Variants in NRXN1 observed in about 807,000 individuals in gnomAD.
The protein encoded by NRXN1 is neurexin-1.
A neutral mutation model predicts 150.9 loss-of-function variants in NRXN1; 39 were observed. That is an observed-to-expected ratio of 0.26 (90% CI 0.20 to 0.34). The LOEUF is 0.34. Ranked by LOEUF, NRXN1 falls within the 10% of genes least tolerant of loss-of-function variation. The pLI, the probability that NRXN1 is intolerant of heterozygous loss-of-function variation, is 1.00. For synonymous variants in NRXN1, 924 were observed against 757.0 expected (o/e 1.22, Z -3.62); for missense variants, 1,815 against 1,949.9 (o/e 0.93, Z 1.30).
chr2:50,417,452 G>A (rs2083625165), intron 17 of NRXN1, among the ~76,000 whole-genome samples: 1 of 151,998 alleles, frequency 6.6e-6, no homozygotes, highest in South Asian at 2.1e-4. Context: ...TTTCTCTGAA[G>A]AGAAGGAAGC....
At chr2:50,000,078 G>GTGGATT (rs775683019) in intron 21 of NRXN1, among the ~76,000 whole-genome samples, 63 of 152,246 alleles carry the variant, frequency 4.1e-4, no homozygotes, top group Non-Finnish European at 6.6e-4. Flanking sequence ...CAGCTTTCCT[G>GTGGATT]CACCTGGGCT....
chr2:50,600,228 G>C (rs918531016), intron 8 of NRXN1, among the ~76,000 whole-genome samples: 5 of 151,488 alleles, frequency 3.3e-5, no homozygotes, highest in African/African-American at 1.2e-4. Flanking sequence ...ATCCTTCCAG[G>C]GATAGATATA....
At chr2:50,607,889 C>A (rs550029579) in intron 8 of NRXN1, among the ~76,000 whole-genome samples, 1 of 152,236 alleles carries the variant, frequency 6.6e-6, no homozygotes, top group Non-Finnish European at 1.5e-5. Context: ...CATTCCAAGA[C>A]TGCAGCTGCT....
chr2:50,904,735 C>G (rs1288736817), intron 5 of NRXN1, among the ~76,000 whole-genome samples: 2 of 152,018 alleles, frequency 1.3e-5, no homozygotes, highest in Non-Finnish European at 2.9e-5. Context: ...TTGAAATAAA[C>G]TTTCTTAATT....
In NRXN1 at chr2:50,497,355, T is replaced by G; in HGVS notation, c.2857A>C (p.Ile953Leu). The G allele has an allele frequency of 1.3e-6, 2 of 1,544,940 alleles. No individual in the cohort carries two copies. The highest frequency in any genetic ancestry group is 1.7e-6 in the Non-Finnish European group (2 of 1,145,620). Residue 953 changes from isoleucine to leucine, a missense_variant, in exon 14 of 23, where the codon ATT becomes CTT. Transcript: ENST00000401669. ...LYNSGDGNDF[I>L]VVELVKGYLH... ...CACCCTTTAACTAATTCAACCACAA[T>G]AAAGTCATTTCCATCCCCACTGTTA...
chr2:50,513,706 A>G (rs948816433), intron 12 of NRXN1, among the ~76,000 whole-genome samples: 1 of 152,136 alleles, frequency 6.6e-6, no homozygotes, highest in Non-Finnish European at 1.5e-5. Flanking sequence ...GAAGAATAAA[A>G]CAAAGCTGAG....
At chr2:50,822,726 T>A (rs1168321505) in intron 5 of NRXN1, among the ~76,000 whole-genome samples, 1 of 152,168 alleles carries the variant, frequency 6.6e-6, no homozygotes, top group African/African-American at 2.4e-5. Context: ...ATCCTCGTTT[T>A]CATTCTTCTT....
At chr2:50,964,746 T>C (rs1693782353) in intron 2 of NRXN1, among the ~76,000 whole-genome samples, 1 of 151,508 alleles carries the variant, frequency 6.6e-6, no homozygotes, top group South Asian at 2.1e-4. Context: ...GAATTTTACC[T>C]TGAGATACAG....
At chr2:50,693,057 A>T (rs1473220279) in intron 5 of NRXN1, among the ~76,000 whole-genome samples, 4 of 152,142 alleles carry the variant, frequency 2.6e-5, no homozygotes, top group African/African-American at 4.8e-5. Context: ...AAGTCGAGAA[A>T]CTTACTGTAA....
chr2:50,996,049 C>T lies in NRXN1; in HGVS notation c.772+31453G>A, dbSNP rs113748065. Among the ~76,000 whole-genome samples, 995 of 152,144 alleles carry T rather than the reference C, an allele frequency of 6.5e-3. 10 individuals carry two copies. Among genetic ancestry groups the T allele is most frequent in the African/African-American group, 0.023 (949 of 41,518 alleles). On this transcript the variant is annotated intron_variant, in intron 2 of 22. Coordinates refer to ENST00000401669, the MANE Select transcript of NRXN1 (RefSeq NM_001330078.2). ...GAAAAGTCTTGCCTACGTGGAATAT[C>T]TATGACTTTGATAATGAAGAGTGAG... is the stretch of plus-strand genomic sequence containing the variant.
intron 17 of NRXN1, among the ~76,000 whole-genome samples, chr2:50,263,164 AC>A (rs1385673722): frequency 9.5e-5 from 3 of 31,450 alleles, no homozygotes; most frequent in African/African-American, 4.2e-4. Flanking sequence ...ACATACACAC[AC>A]ACACACACAC....
At chr2:50,213,266 C>A (rs893693027) in intron 18 of NRXN1, among the ~76,000 whole-genome samples, 2 of 151,804 alleles carry the variant, frequency 1.3e-5, no homozygotes, top group African/African-American at 4.8e-5. Flanking sequence ...AGAAGTGAAC[C>A]AGACAGACAT....
intron 22 of NRXN1, among the ~76,000 whole-genome samples, chr2:49,930,559 C>G (rs984338220): frequency 1.3e-5 from 2 of 152,132 alleles, no homozygotes; most frequent in Admixed American, 1.3e-4. Flanking sequence ...TAAATAAATT[C>G]TCTCAACCGT....
At chr2:49,926,924 C>T (rs548967633) in intron 22 of NRXN1, among the ~76,000 whole-genome samples, 13 of 152,172 alleles carry the variant, frequency 8.5e-5, no homozygotes, top group African/African-American at 3.1e-4. Context: ...CTTCTTGCAC[C>T]CTCTGTTGCT....
chr2:50,780,996 A>C (rs976058636), intron 5 of NRXN1, among the ~76,000 whole-genome samples: 1 of 152,240 alleles, frequency 6.6e-6, no homozygotes, highest in African/African-American at 2.4e-5. Context: ...AAAGGTAACA[A>C]GTTAACCTGC....
chr2:50,809,805 G>T (rs1320835505), intron 5 of NRXN1, among the ~76,000 whole-genome samples: 1 of 152,104 alleles, frequency 6.6e-6, no homozygotes, highest in African/African-American at 2.4e-5. Flanking sequence ...GATGGCAATG[G>T]TTTGAGTTCA....
intron 17 of NRXN1, among the ~76,000 whole-genome samples, chr2:50,387,167 T>A (rs2081382134): frequency 6.6e-6 from 1 of 152,112 alleles, no homozygotes; most frequent in Admixed American, 6.5e-5. Context: ...GGTATTGTAA[T>A]AAAACAATAG....
chr2:50,605,483 A>G (rs1439113557), intron 8 of NRXN1, among the ~76,000 whole-genome samples: 1 of 152,178 alleles, frequency 6.6e-6, no homozygotes, highest in African/African-American at 2.4e-5. Flanking sequence ...ACTTGAATAA[A>G]CATTTCTTCA....
chr2:50,472,280 A>G lies in NRXN1; in HGVS notation c.3244+18T>C. 6.6e-7 allele frequency: 1 copy of G among 1,526,054 alleles called. No homozygotes were observed. The highest frequency in any genetic ancestry group is 8.8e-7 in the Non-Finnish European group (1 of 1,133,466). 94.5% of individuals were successfully genotyped at this position (1,526,054 alleles called of 1,614,324 possible). On this transcript the variant is annotated intron_variant, in intron 16 of 22. Transcript: ENST00000401669. ...TGGAATTAGAATTATTTAGAGCATGATGACAAAAATCTAATACCTTCACAT... is the reference window on the plus strand; with the variant it reads ...TGGAATTAGAATTATTTAGAGCATGGTGACAAAAATCTAATACCTTCACAT...
Sources: gnomAD v4.1 joint callset for allele counts (sites outside exome capture counted in the v4.1 genomes callset) on GRCh38, gnomAD v4.1.1 for gene constraint, MANE v1.5 for transcripts, NCBI Gene and HGNC (gene_info 2026-07-23, HGNC 2026-07-21) for gene names.